The following AFG1L variants were observed in gnomAD, a reference collection of about 807,000 sequenced individuals.
AFG1L encodes AFG1 like ATPase, also known as AFG1-like ATPase.
AFG1L carries 53 observed loss-of-function variants against 62.2 expected under a neutral mutation model. That is an observed-to-expected ratio of 0.85 (90% CI 0.68 to 1.07). The LOEUF is 1.07. Ranked by LOEUF, AFG1L falls within the 50% of genes least tolerant of loss-of-function variation. The probability of loss-of-function intolerance (pLI) is 0.00; values close to 1 mark genes in which losing one functional copy is unlikely to be tolerated. For missense variants in AFG1L, 555 were observed against 590.5 expected (o/e 0.94, Z 0.62); for synonymous variants, 228 against 210.3 (o/e 1.08, Z -0.73).
At chr6:108,469,521 A>G (rs1335396819) in intron 8 of AFG1L, among the ~76,000 whole-genome samples, 3 of 152,180 alleles carry the variant, frequency 2.0e-5, no homozygotes, top group Non-Finnish European at 4.4e-5. Context: ...AGTTGTGGGT[A>G]AAGAAAGACA....
chr6:108,330,162 A>G (rs552041260), intron 2 of AFG1L, among the ~76,000 whole-genome samples: 1 of 148,874 alleles, frequency 6.7e-6, no homozygotes, highest in Non-Finnish European at 1.5e-5. Context: ...CCATCACTGT[A>G]AGAAATAAAT....
At chr6:108,489,127 G>T (rs967187179) in intron 10 of AFG1L, among the ~76,000 whole-genome samples, 2 of 152,158 alleles carry the variant, frequency 1.3e-5, no homozygotes, top group East Asian at 3.8e-4. Context: ...TCTCCTGAGG[G>T]CAGATCACAG....
intron 3 of AFG1L, among the ~76,000 whole-genome samples, chr6:108,350,397 C>T (rs1029902007): frequency 6.6e-6 from 1 of 151,852 alleles, no homozygotes; most frequent in African/African-American, 2.4e-5. Context: ...GTAGCACTCC[C>T]TTCCCACTTT....
intron 10 of AFG1L, among the ~76,000 whole-genome samples, chr6:108,489,251 G>A (rs1773685786): frequency 6.6e-6 from 1 of 152,172 alleles, no homozygotes; most frequent in Non-Finnish European, 1.5e-5. Context: ...GAGAAATCTG[G>A]GAAAGGAGAG....
intron 1 of AFG1L, among the ~76,000 whole-genome samples, chr6:108,322,530 T>C (rs1432816389): frequency 6.6e-6 from 1 of 152,118 alleles, no homozygotes; most frequent in Non-Finnish European, 1.5e-5. Context: ...GGAGATGTAA[T>C]ATGTGTCTGG....
At chr6:108,501,408 A>G (rs1422347777) in intron 10 of AFG1L, among the ~76,000 whole-genome samples, 1 of 152,206 alleles carries the variant, frequency 6.6e-6, no homozygotes, top group East Asian at 1.9e-4. Context: ...TTTGCACCAC[A>G]TTTTTTGTTA....
At chr6:108,311,271 T>C (rs2114839126) in intron 1 of AFG1L, among the ~76,000 whole-genome samples, 1 of 152,200 alleles carries the variant, frequency 6.6e-6, no homozygotes, top group African/African-American at 2.4e-5. Context: ...TTCAGGCTAG[T>C]ACATCTCCCT....
chr6:108,464,798 A>G (rs1772602777), intron 8 of AFG1L, among the ~76,000 whole-genome samples: 1 of 150,210 alleles, frequency 6.7e-6, no homozygotes, highest in Non-Finnish European at 1.5e-5. Flanking sequence ...CAAAAAAAAC[A>G]CTTGAAAAGA....
chr6:108,319,212 T>G (rs1777720114), intron 1 of AFG1L, among the ~76,000 whole-genome samples: 2 of 152,210 alleles, frequency 1.3e-5, no homozygotes, highest in Admixed American at 1.3e-4. Flanking sequence ...ATATTTCCTA[T>G]GAATAACTTT....
chr6:108,468,617 A>G (rs905298494), intron 8 of AFG1L, among the ~76,000 whole-genome samples: 1 of 152,186 alleles, frequency 6.6e-6, no homozygotes, highest in East Asian at 1.9e-4. Flanking sequence ...GTTCTAGGAA[A>G]GTCAATTTTA....
intron 8 of AFG1L, among the ~76,000 whole-genome samples, chr6:108,454,415 C>G (rs536818922): frequency 6.6e-6 from 1 of 152,260 alleles, no homozygotes; most frequent in Admixed American, 6.5e-5. Context: ...AAGATAGCAC[C>G]TGATCAAGAT....
intron 1 of AFG1L, among the ~76,000 whole-genome samples, chr6:108,299,116 C>G (rs1211974963): frequency 6.6e-6 from 1 of 151,986 alleles, no homozygotes; most frequent in East Asian, 1.9e-4. Context: ...CAAAAATTAG[C>G]TGGGCGTGGT....
At chr6:108,500,911 G>A (rs1407679150) in intron 10 of AFG1L, among the ~76,000 whole-genome samples, 1 of 152,118 alleles carries the variant, frequency 6.6e-6, no homozygotes, top group Non-Finnish European at 1.5e-5. Context: ...GATTAATGAT[G>A]TTGGGCATTT....
At chr6:108,298,898 G>A (rs1324322877) in intron 1 of AFG1L, among the ~76,000 whole-genome samples, 1 of 152,172 alleles carries the variant, frequency 6.6e-6, no homozygotes, top group Non-Finnish European at 1.5e-5. Flanking sequence ...TTTAGGGGCT[G>A]AATTACTGCT....
At chr6:108,351,983 T>G (rs931303205) in intron 3 of AFG1L, among the ~76,000 whole-genome samples, 7 of 152,220 alleles carry the variant, frequency 4.6e-5, no homozygotes, top group African/African-American at 1.4e-4. Flanking sequence ...ATTTACCCTT[T>G]TAAACATTTT....
intron 7 of AFG1L, among the ~76,000 whole-genome samples, chr6:108,417,069 CA>C (rs1383751168): frequency 1.3e-5 from 2 of 151,148 alleles, no homozygotes; most frequent in Non-Finnish European, 3.0e-5. Context: ...CTCATCTCTA[CA>C]AAAAAATAAA....
chr6:108,400,687 AATT>A (rs1180622825), intron 6 of AFG1L, among the ~76,000 whole-genome samples: 2 of 87,650 alleles, frequency 2.3e-5, no homozygotes, highest in South Asian at 6.5e-4. Context: ...TATATTATAT[AATT>A]ATATATATAT....
chr6:108,329,630 CA>C (rs2114334958), intron 2 of AFG1L, among the ~76,000 whole-genome samples: 1 of 152,084 alleles, frequency 6.6e-6, no homozygotes, highest in South Asian at 2.1e-4. Context: ...GAAAGAGATC[CA>C]AACATCTAAC....
intron 2 of AFG1L, among the ~76,000 whole-genome samples, chr6:108,329,704 A>AT (rs201440181): frequency 0.026 from 3,921 of 152,028 alleles, 162 homozygotes; most frequent in African/African-American, 0.089. Flanking sequence ...ACACAGACCT[A>AT]TTTTTTTTCT....
Sources: gnomAD v4.1 joint callset for allele counts (sites outside exome capture counted in the v4.1 genomes callset) on GRCh38, gnomAD v4.1.1 for gene constraint, MANE v1.5 for transcripts, NCBI Gene and HGNC (gene_info 2026-07-23, HGNC 2026-07-21) for gene names.